RASSF6: variants seen among roughly 807,000 people sequenced by gnomAD.
The protein encoded by RASSF6 is ras association domain-containing protein 6.
Under a neutral mutation model 44.0 loss-of-function variants are expected in RASSF6, and 52 were observed. The observed-to-expected ratio is 1.18, with a 90% CI of 0.95 to 1.49. The LOEUF is 1.49. RASSF6 is among the 40% of genes most tolerant of loss of function. The probability of loss-of-function intolerance (pLI) is 0.00; values close to 1 mark genes in which losing one functional copy is unlikely to be tolerated. For synonymous variants in RASSF6, 162 were observed against 124.6 expected (o/e 1.30, Z -2.00); for missense variants, 464 against 393.3 (o/e 1.18, Z -1.52).
rs939823452 is a variant in RASSF6, at chr4:73,611,808, T to G, written c.-13A>C. On this transcript the variant is annotated 5_prime_UTR_variant, in exon 2 of 11. Transcript: ENST00000307439. ...CCATCATAGTCATCTTTTCCTCCTTTTTGAGATGGTCTGAGGATATCCTAA... is the reference window on the plus strand; with the variant it reads ...CCATCATAGTCATCTTTTCCTCCTTGTTGAGATGGTCTGAGGATATCCTAA... 6.2e-7 allele frequency: 1 copy of G among 1,608,250 alleles called. No homozygotes were observed. The highest frequency in any genetic ancestry group is 8.5e-7 in the Non-Finnish European group (1 of 1,175,232).
At chr4:73,615,926 G>C (rs1726324505) in intron 1 of RASSF6, 12 of 1,550,290 alleles carry the variant, frequency 7.7e-6, no homozygotes, top group Non-Finnish European at 1.0e-5. Flanking sequence ...CCAGAGGACA[G>C]GAAGTGAATT....
intron 2 of RASSF6, among the ~76,000 whole-genome samples, chr4:73,602,013 T>G (rs1386601792): frequency 2.0e-5 from 3 of 152,036 alleles, no homozygotes; most frequent in Admixed American, 6.6e-5. Context: ...TTGGTGAGAA[T>G]TAAACAGGAA....
At chr4:73,606,965 G>A (rs1478942351) in intron 2 of RASSF6, among the ~76,000 whole-genome samples, 2 of 152,126 alleles carry the variant, frequency 1.3e-5, no homozygotes, top group Non-Finnish European at 2.9e-5. Context: ...ATCAACCTGA[G>A]CACGAGCCTG....
chr4:73,609,080 C>T (rs1334415970), intron 2 of RASSF6, among the ~76,000 whole-genome samples: 1 of 152,174 alleles, frequency 6.6e-6, no homozygotes, highest in Non-Finnish European at 1.5e-5. Flanking sequence ...TTGAGCTGCC[C>T]TTAGAAGAGG....
At chr4:73,616,082 T>C (rs1354517009) in intron 1 of RASSF6, 1 of 704,286 alleles carries the variant, frequency 1.4e-6, no homozygotes, top group Non-Finnish European at 2.5e-6. Context: ...GAGTTCCTTC[T>C]CTGCACCTGC....
chr4:73,582,233 T>C lies in RASSF6; in HGVS notation c.625A>G (p.Met209Val). The C allele has an allele frequency of 6.3e-7, 1 of 1,598,268 alleles. No homozygotes were observed. The highest frequency in any genetic ancestry group is 8.5e-7 in the Non-Finnish European group (1 of 1,170,128). The change falls in exon 7 of 11, where the codon ATG becomes GTG. Residue 209 changes from methionine (M) to valine (V), a missense_variant. Physicochemically the swap from Met to Val is conservative, Grantham distance 21. Transcript: ENST00000307439. ...SETKVRVNSNMRTEEVIKQLL... is the reference protein window; with the variant it reads ...SETKVRVNSNVRTEEVIKQLL... Reference sequence around the variant, plus strand: ...TGCTTTATTACTTCTTCAGTTCTCATGTTACTGTTTACTCTGACCTTAGTT... The same window carrying C: ...TGCTTTATTACTTCTTCAGTTCTCACGTTACTGTTTACTCTGACCTTAGTT...
chr4:73,602,478 A>G (rs1489784559), intron 2 of RASSF6, among the ~76,000 whole-genome samples: 2 of 152,244 alleles, frequency 1.3e-5, no homozygotes, highest in African/African-American at 4.8e-5. Context: ...GAAGAACCAA[A>G]GGCAATCACT....
At position 73,576,739 on chromosome 4, in the gene RASSF6, G is replaced by A; in HGVS notation, c.722-8C>T. The A allele has an allele frequency of 6.7e-7, 1 of 1,501,308 alleles. No individual in the cohort carries two copies. Among genetic ancestry groups the A allele is most frequent in the Non-Finnish European group, 9.2e-7 (1 of 1,088,474 alleles). 93.0% of individuals were successfully genotyped at this position (1,501,308 alleles called of 1,614,324 possible). A position where few individuals can be genotyped will look rare whatever the true frequency, so the allele number is the denominator to read the frequency against. On this transcript the variant is annotated splice_region_variant and splice_polypyrimidine_tract_variant and intron_variant, in intron 8 of 10. Transcript: ENST00000307439. ...TCTTTAGTCGTCTTTGTTCTGCAGT[G>A]AAAACAAGAATCAACCACAATCAGA... is the stretch of plus-strand genomic sequence containing the variant.
intron 1 of RASSF6, among the ~76,000 whole-genome samples, chr4:73,612,688 G>T (rs143670225): frequency 6.6e-6 from 1 of 152,128 alleles, no homozygotes; most frequent in African/African-American, 2.4e-5. Context: ...TTTCTTTATA[G>T]CATGTTGTTA....
intron 4 of RASSF6, among the ~76,000 whole-genome samples, chr4:73,592,821 A>G (rs763150862): frequency 8.5e-5 from 13 of 152,130 alleles, no homozygotes; most frequent in East Asian, 1.9e-4. Context: ...CTGACTTTAC[A>G]TTTTGCCTTT....
intron 3 of RASSF6, among the ~76,000 whole-genome samples, chr4:73,594,488 G>A (rs1724798892): frequency 6.6e-6 from 1 of 152,152 alleles, no homozygotes; most frequent in Non-Finnish European, 1.5e-5. Flanking sequence ...TCCTAGTTGT[G>A]GCCTTGGACA....
intron 3 of RASSF6, among the ~76,000 whole-genome samples, chr4:73,594,825 C>G (rs1236121404): frequency 1.3e-5 from 2 of 152,118 alleles, no homozygotes. Flanking sequence ...AACTAGAACT[C>G]AATTAAGCCT....
intron 1 of RASSF6, among the ~76,000 whole-genome samples, chr4:73,616,722 G>A (rs1193854961): frequency 6.6e-6 from 1 of 152,212 alleles, no homozygotes; most frequent in African/African-American, 2.4e-5. Context: ...AGAATAGCAA[G>A]TGTGTATTTC....
rs1349943748 is a variant in RASSF6 at position 73,571,622 on chromosome 4, G to A, written c.*4613C>T. 5 of 151,938 alleles carry A rather than the reference G, an allele frequency of 3.3e-5. No individual in the cohort carries two copies. The highest frequency in any genetic ancestry group is 1.9e-4 in the East Asian group (1 of 5,172). The allele number at this position is 151,938 out of a possible 1,614,324, so 9.4% of individuals were successfully genotyped here. A position where few individuals can be genotyped will look rare whatever the true frequency, so the allele number is the denominator to read the frequency against. On this transcript the variant is annotated 3_prime_UTR_variant, in exon 11 of 11. Coordinates refer to ENST00000307439, the MANE Select transcript of RASSF6 (RefSeq NM_177532.5). Reference sequence around the variant, plus strand: ...GTAATAAGTAATACATACATATGGGGAATTTTATAAAAATATTTCAGATAA... The same window carrying A: ...GTAATAAGTAATACATACATATGGGAAATTTTATAAAAATATTTCAGATAA...
In RASSF6 at chr4:73,576,183, G is replaced by C. The variant is rs1723197332; in HGVS notation, c.*52C>G. On this transcript the variant is annotated 3_prime_UTR_variant, in exon 11 of 11. Transcript: ENST00000307439. ...GTACAGAACTTATGCATTCATCAAA[G>C]AGTAATATCTCTGAGTTTTTTGAAA... 7.1e-6 allele frequency: 7 copies of C among 980,472 alleles called. No homozygotes were observed. In the Admixed American group the frequency reaches 1.3e-4, roughly 19 times the overall value. The allele number at this position is 980,472 out of a possible 1,614,324, so 60.7% of individuals were successfully genotyped here.
In RASSF6 at chr4:73,593,507, C is replaced by T. The variant is rs1157958151; in HGVS notation, c.231G>A (p.Glu77=). The change falls in exon 4 of 11, where the codon GAG becomes GAA. Residue 77 remains glutamate, a synonymous_variant. Coordinates refer to ENST00000307439, the MANE Select transcript of RASSF6 (RefSeq NM_177532.5). ...KRPIQLKIQD[E]KPFSSFTSMK... ...TACTAGTAAAAGAAGAGAATGGCTT[C>T]TCATCTTGTATTTTTAGCTGTATAG... is the stretch of plus-strand genomic sequence containing the variant. 6.2e-7 allele frequency: 1 copy of T among 1,613,760 alleles called. No individual in the cohort carries two copies. Among genetic ancestry groups the T allele is most frequent in the Non-Finnish European group, 8.5e-7 (1 of 1,179,846 alleles).
At chr4:73,620,469 G>T (rs746540933), upstream of RASSF6, 71 of 1,546,320 alleles carry the variant, frequency 4.6e-5, no homozygotes, top group Admixed American at 4.0e-5. Context: ...CCGCGCGGGC[G>T]CAGGGGCGGC....
At chr4:73,608,422 TAATA>T (rs1338905080) in intron 2 of RASSF6, among the ~76,000 whole-genome samples, 1 of 152,178 alleles carries the variant, frequency 6.6e-6, no homozygotes, top group Non-Finnish European at 1.5e-5. Flanking sequence ...TAAAAAAACC[TAATA>T]AATGTCCTTC....
chr4:73,578,908 G>A (rs28651748), intron 8 of RASSF6, among the ~76,000 whole-genome samples: 6,955 of 151,954 alleles, frequency 0.046, 513 homozygotes, highest in African/African-American at 0.16. Context: ...CACCGTGCCT[G>A]ACACCCCCCT....
Sources: allele counts gnomAD v4.1 joint callset (sites outside exome capture counted in the v4.1 genomes callset), GRCh38; gene constraint gnomAD v4.1.1; transcripts MANE v1.5; gene names NCBI Gene and HGNC (gene_info 2026-07-23, HGNC 2026-07-21).